Variants in GNA12 observed in about 807,000 individuals in gnomAD.
GNA12 encodes the protein guanine nucleotide-binding protein subunit alpha-12.
GNA12 carries 9 observed loss-of-function variants against 26.0 expected under a neutral mutation model. That is an observed-to-expected ratio of 0.35 (90% CI 0.21 to 0.60). The LOEUF (loss-of-function observed/expected upper bound fraction) is 0.60, where lower values mean the gene tolerates loss of function less well. Among genes scored for constraint, GNA12 ranks in the 20% least tolerant of loss-of-function variants. The pLI is 0.78. For missense variants in GNA12, 405 were observed against 525.8 expected (o/e 0.77, Z 2.25); for synonymous variants, 264 against 219.6 (o/e 1.20, Z -1.79).
At chr7:2,793,354 A>G (rs1372350609) in intron 2 of GNA12, among the ~76,000 whole-genome samples, 1 of 149,108 alleles carries the variant, frequency 6.7e-6, no homozygotes, top group Non-Finnish European at 1.5e-5. Flanking sequence ...AGCGGACAGG[A>G]GCGCAAGAGG....
intron 2 of GNA12, among the ~76,000 whole-genome samples, chr7:2,790,210 T>G (rs1792482364): frequency 6.6e-6 from 1 of 152,230 alleles, no homozygotes; most frequent in African/African-American, 2.4e-5. Flanking sequence ...TAGAATTGTC[T>G]GCTTTTTTCC....
chr7:2,841,487 A>C (rs1394896478), intron 1 of GNA12, among the ~76,000 whole-genome samples: 1 of 152,146 alleles, frequency 6.6e-6, no homozygotes, highest in Admixed American at 6.5e-5. Context: ...AGCCAAATGC[A>C]CTTGAACACA....
intron 2 of GNA12, among the ~76,000 whole-genome samples, chr7:2,747,494 C>G (rs375630946): frequency 2.0e-5 from 3 of 152,218 alleles, no homozygotes; most frequent in Admixed American, 6.5e-5. Flanking sequence ...AAACTCTCAA[C>G]AAATTAGGTA....
chr7:2,816,051 G>A (rs574364937), intron 1 of GNA12, among the ~76,000 whole-genome samples: 5 of 152,324 alleles, frequency 3.3e-5, no homozygotes, highest in Admixed American at 6.5e-5. Flanking sequence ...CCTGGCCGCC[G>A]CGCACGGAGG....
intron 2 of GNA12, among the ~76,000 whole-genome samples, chr7:2,777,308 T>G (rs1425932806): frequency 6.6e-6 from 1 of 152,196 alleles, no homozygotes; most frequent in Admixed American, 6.5e-5. Flanking sequence ...TATTAATACC[T>G]CGAAAGCAGC....
chr7:2,741,475 G>A (rs992818503), intron 2 of GNA12, among the ~76,000 whole-genome samples: 2 of 152,214 alleles, frequency 1.3e-5, no homozygotes, highest in Admixed American at 1.3e-4. Context: ...GCATGTCACA[G>A]TTGGACTGCC....
chr7:2,830,467 G>C (rs1228847487), intron 1 of GNA12, among the ~76,000 whole-genome samples: 2 of 152,188 alleles, frequency 1.3e-5, no homozygotes, highest in African/African-American at 4.8e-5. Flanking sequence ...CTACAACTCT[G>C]GCAGGAGGAA....
intron 1 of GNA12, among the ~76,000 whole-genome samples, chr7:2,795,521 T>C (rs1792642225): frequency 6.6e-6 from 1 of 151,242 alleles, no homozygotes; most frequent in South Asian, 2.1e-4. Context: ...ACACCTGTAG[T>C]CTCAGCTGAG....
chr7:2,735,908 G>T (rs798526), intron 2 of GNA12, among the ~76,000 whole-genome samples: 4 of 151,792 alleles, frequency 2.6e-5, no homozygotes, highest in African/African-American at 9.7e-5. Flanking sequence ...GGAAGAAGGG[G>T]ACACAGAGCA....
intron 2 of GNA12, 126 bp from the exon 3 acceptor site, chr7:2,733,627 A>G: frequency 1.4e-6 from 1 of 718,672 alleles, no homozygotes; most frequent in East Asian, 2.7e-5. Context: ...AGCAAAGGAA[A>G]AAGGCAGAGA....
chr7:2,837,803 C>CT (rs1286997251), intron 1 of GNA12, among the ~76,000 whole-genome samples: 2 of 151,716 alleles, frequency 1.3e-5, no homozygotes, highest in Non-Finnish European at 1.5e-5. Flanking sequence ...CAGAAGAAGG[C>CT]TTAGAGCCTC....
At chr7:2,833,073 T>G (rs539933080) in intron 1 of GNA12, among the ~76,000 whole-genome samples, 1 of 152,292 alleles carries the variant, frequency 6.6e-6, no homozygotes, top group African/African-American at 2.4e-5. Flanking sequence ...CAACAAATAT[T>G]CACATTCGGC....
intron 2 of GNA12, among the ~76,000 whole-genome samples, chr7:2,786,862 A>G (rs1016056764): frequency 6.6e-6 from 1 of 152,116 alleles, no homozygotes. Context: ...TGAAGGAACG[A>G]TGGGTGATGG....
intron 1 of GNA12, among the ~76,000 whole-genome samples, chr7:2,816,156 G>C (rs1045573015): frequency 1.3e-5 from 2 of 152,168 alleles, no homozygotes; most frequent in African/African-American, 4.8e-5. Context: ...AGCAATTATG[G>C]TAAGTAATGT....
At position 2,740,441 on chromosome 7, in the gene GNA12, C is replaced by T. The variant is rs542387597; in HGVS notation, c.526-6940G>A. ...CAGTGAGAAGCTGGCCGTCTGCAAG[C>T]GAGGAAGACAGCCCTCCCTCACCAG... On this transcript the variant is annotated intron_variant, in intron 2 of 3. Coordinates refer to ENST00000275364, the MANE Select transcript of GNA12 (RefSeq NM_007353.3). Among the ~76,000 whole-genome samples, 24 of 152,122 alleles carry T rather than the reference C, an allele frequency of 1.6e-4. 1 individual carries two copies. The highest frequency in any genetic ancestry group is 4.2e-4 in the South Asian group (2 of 4,816).
At position 2,737,269 on chromosome 7, in the gene GNA12, G is replaced by GTTTTTTTTT. The variant is rs1317020597; in HGVS notation, c.526-3769_526-3768insAAAAAAAAA. On this transcript the variant is annotated intron_variant, in intron 2 of 3. Coordinates refer to ENST00000275364, the MANE Select transcript of GNA12 (RefSeq NM_007353.3). Reference sequence around the variant, plus strand: ...CATTCAGGAGCTATCTCACAGTTTTGTTTTGTTTTTTTTTTTTTTGTTTTT... The same window carrying GTTTTTTTTT: ...CATTCAGGAGCTATCTCACAGTTTTGTTTTTTTTTTTTTGTTTTTTTTTTTTTTGTTTTT... Among the ~76,000 whole-genome samples, 76 of 38,114 alleles carry GTTTTTTTTT rather than the reference G, an allele frequency of 2.0e-3. 8 individuals are homozygous for GTTTTTTTTT. The highest frequency in any genetic ancestry group is 4.0e-3 in the East Asian group (4 of 1,004). The allele number at this position is 38,114 out of a possible 152,430, so 25.0% of individuals were successfully genotyped here.
intron 1 of GNA12, among the ~76,000 whole-genome samples, chr7:2,834,909 T>C (rs769827715): frequency 6.6e-6 from 1 of 152,174 alleles, no homozygotes; most frequent in Admixed American, 6.5e-5. Context: ...CACCTAACGA[T>C]GCATTTCCTG....
intron 2 of GNA12, among the ~76,000 whole-genome samples, chr7:2,771,912 G>A (rs1022955693): frequency 2.0e-5 from 3 of 152,148 alleles, no homozygotes; most frequent in South Asian, 2.1e-4. Context: ...GAGAGCCTGA[G>A]TTCCCACCCC....
At chr7:2,763,464 C>T (rs1186575693) in intron 2 of GNA12, 5 of 152,434 alleles carry the variant, frequency 3.3e-5, no homozygotes, top group African/African-American at 4.8e-5. Flanking sequence ...GGAAAAGCTC[C>T]CCGAGCTCCC....
Sources: gnomAD v4.1 joint callset for allele counts (sites outside exome capture counted in the v4.1 genomes callset) on GRCh38, gnomAD v4.1.1 for gene constraint, MANE v1.5 for transcripts, NCBI Gene and HGNC (gene_info 2026-07-23, HGNC 2026-07-21) for gene names.